The following TMEM132D variants were observed in gnomAD, a reference collection of about 807,000 sequenced individuals.
TMEM132D encodes the protein transmembrane protein 132D, also known as mature OL transmembrane protein.
A neutral mutation model predicts 62.3 loss-of-function variants in TMEM132D; 21 were observed. The ratio of observed to expected loss-of-function variants is 0.34; its 90% CI spans 0.24 to 0.49. The LOEUF (loss-of-function observed/expected upper bound fraction) is 0.49. Ranked by LOEUF, TMEM132D falls within the 20% of genes least tolerant of loss-of-function variation. The pLI, the probability that TMEM132D is intolerant of heterozygous loss-of-function variation, is 0.99. For synonymous variants in TMEM132D, 621 were observed against 575.6 expected (o/e 1.08, Z -1.13); for missense variants, 1,346 against 1,402.8 (o/e 0.96, Z 0.65).
chr12:129,236,631 C>A (rs141844134), intron 4 of TMEM132D, among the ~76,000 whole-genome samples: 48 of 151,306 alleles, frequency 3.2e-4, no homozygotes, highest in African/African-American at 1.1e-3. Flanking sequence ...TTTTTCGTGG[C>A]GTCTTTAGGG....
intron 1 of TMEM132D, among the ~76,000 whole-genome samples, chr12:129,834,266 G>A (rs536531556): frequency 1.3e-5 from 2 of 151,936 alleles, no homozygotes; most frequent in Admixed American, 1.3e-4. Context: ...GAAATTCTAG[G>A]GGCTTGTTTT....
At chr12:129,764,769 T>C (rs527803820) in intron 1 of TMEM132D, among the ~76,000 whole-genome samples, 20 of 152,218 alleles carry the variant, frequency 1.3e-4, no homozygotes, top group Non-Finnish European at 2.5e-4. Flanking sequence ...AGTGAGCTCC[T>C]ATCTCTACAA....
intron 2 of TMEM132D, among the ~76,000 whole-genome samples, chr12:129,574,573 G>A (rs909402040): frequency 9.2e-5 from 14 of 152,006 alleles, no homozygotes; most frequent in Middle Eastern, 3.4e-3. Flanking sequence ...TTGAGTTGTT[G>A]AACAATGGTT....
At chr12:129,186,169 C>T (rs1462403834) in intron 5 of TMEM132D, among the ~76,000 whole-genome samples, 1 of 152,196 alleles carries the variant, frequency 6.6e-6, no homozygotes. Context: ...ATCATCTCAT[C>T]TATTGACAGT....
At position 129,528,778 on chromosome 12, in the gene TMEM132D, C is replaced by T. The variant is rs192511056; in HGVS notation, c.1115+2281G>A. Among the ~76,000 whole-genome samples the T allele has an allele frequency of 1.1e-3, 163 of 152,360 alleles. 1 individual carries two copies. The highest frequency in any genetic ancestry group is 3.5e-3 in the African/African-American group (145 of 41,590). ...TGAACAAACATTTATAGACAGCCCA[C>T]TGTGTGCCAGACACTGCTGTATGAG... On this transcript the variant is annotated intron_variant, in intron 3 of 8. Coordinates refer to ENST00000422113, the MANE Select transcript of TMEM132D (RefSeq NM_133448.3).
chr12:129,285,010 A>G (rs1881250761), intron 4 of TMEM132D, among the ~76,000 whole-genome samples: 1 of 152,234 alleles, frequency 6.6e-6, no homozygotes, highest in African/African-American at 2.4e-5. Flanking sequence ...TTGTGAATAT[A>G]CGAAATGCCA....
Position 129,589,507 on chromosome 12 carries a change from A to C in TMEM132D, c.969-58302T>G, listed in dbSNP as rs75246256. Among the ~76,000 whole-genome samples the C allele has an allele frequency of 1.5e-3, 230 of 152,344 alleles. 6 individuals carry two copies. The East Asian group carries it at 0.04, about 27-fold the overall frequency. Reference sequence around the variant, plus strand: ...ATGCAAGGACAAACGATTCAAGTATACAAATAAGTATTCACTTCCAGCTGT... The same window carrying C: ...ATGCAAGGACAAACGATTCAAGTATCCAAATAAGTATTCACTTCCAGCTGT... On this transcript the variant is annotated intron_variant, in intron 2 of 8. Coordinates refer to ENST00000422113, the MANE Select transcript of TMEM132D (RefSeq NM_133448.3).
intron 4 of TMEM132D, among the ~76,000 whole-genome samples, chr12:129,280,679 A>G (rs1207991448): frequency 6.6e-6 from 1 of 152,054 alleles, no homozygotes; most frequent in Non-Finnish European, 1.5e-5. Flanking sequence ...TTTGTTTGTA[A>G]TATCTATCTA....
chr12:129,665,779 T>C (rs1400854129), intron 2 of TMEM132D, among the ~76,000 whole-genome samples: 1 of 152,178 alleles, frequency 6.6e-6, no homozygotes, highest in Non-Finnish European at 1.5e-5. Flanking sequence ...GCTAGGCACA[T>C]AGTAGACGCT....
chr12:129,791,715 T>C (rs1034056389), intron 1 of TMEM132D, among the ~76,000 whole-genome samples: 7 of 152,176 alleles, frequency 4.6e-5, no homozygotes, highest in Admixed American at 4.6e-4. Context: ...GGTTATGATT[T>C]TTCAAAATCC....
intron 5 of TMEM132D, among the ~76,000 whole-genome samples, chr12:129,185,458 TC>T (rs1878193228): frequency 6.6e-6 from 1 of 152,206 alleles, no homozygotes; most frequent in African/African-American, 2.4e-5. Context: ...TGAATATTTT[TC>T]CCAGTTGTTT....
At chr12:129,481,102 G>C (rs1409547347) in intron 3 of TMEM132D, among the ~76,000 whole-genome samples, 1 of 152,012 alleles carries the variant, frequency 6.6e-6, no homozygotes, top group East Asian at 1.9e-4. Context: ...CAAGGTCCAA[G>C]GTGCCTCTCA....
chr12:129,184,030 T>C (rs747741722), intron 5 of TMEM132D, among the ~76,000 whole-genome samples: 1 of 152,154 alleles, frequency 6.6e-6, no homozygotes, highest in Non-Finnish European at 1.5e-5. Flanking sequence ...TGTGGCCATG[T>C]TTTTACCACA....
At chr12:129,120,088 G>A (rs999442878) in intron 5 of TMEM132D, among the ~76,000 whole-genome samples, 2 of 152,016 alleles carry the variant, frequency 1.3e-5, no homozygotes, top group African/African-American at 4.8e-5. Flanking sequence ...GAAGTTGGAG[G>A]GGCTTGATCA....
At chr12:129,646,133 T>A (rs2137179084) in intron 2 of TMEM132D, among the ~76,000 whole-genome samples, 1 of 152,334 alleles carries the variant, frequency 6.6e-6, no homozygotes, top group African/African-American at 2.4e-5. Flanking sequence ...ATTTCCTGCA[T>A]GAAGCCAAAA....
chr12:129,469,535 A>G (rs562497325), intron 3 of TMEM132D, among the ~76,000 whole-genome samples: 9 of 152,324 alleles, frequency 5.9e-5, no homozygotes, highest in African/African-American at 1.9e-4. Flanking sequence ...AAATTAGAAC[A>G]TTCTAACAAG....
intron 3 of TMEM132D, among the ~76,000 whole-genome samples, chr12:129,466,820 C>G (rs924722696): frequency 6.6e-6 from 1 of 152,142 alleles, no homozygotes; most frequent in Non-Finnish European, 1.5e-5. Context: ...AGCTTGTTTC[C>G]GGAGCTCATC....
In TMEM132D at chr12:129,698,771, GAGAGAGGGAGAA is replaced by G. The variant is rs1160322857; in HGVS notation, c.968+1027_968+1038del. On this transcript the variant is annotated intron_variant, in intron 2 of 8. Coordinates refer to ENST00000422113, the MANE Select transcript of TMEM132D (RefSeq NM_133448.3). ...GGGAAGAGGAGAGGGGAGGGAGAAA[GAGAGAGGGAGAA>G]AGAGAGGGAGAAAGAAAAGAATAGA... is the stretch of plus-strand genomic sequence containing the variant. Among the ~76,000 whole-genome samples, 12 of 144,594 alleles carry G rather than the reference GAGAGAGGGAGAA, an allele frequency of 8.3e-5. 1 individual carries two copies. Among genetic ancestry groups the G allele is most frequent in the East Asian group, 2.0e-4 (1 of 4,890 alleles). 94.9% of individuals were successfully genotyped at this position (144,594 alleles called of 152,430 possible).
chr12:129,649,394 T>C (rs1261526392), intron 2 of TMEM132D, among the ~76,000 whole-genome samples: 1 of 152,114 alleles, frequency 6.6e-6, no homozygotes, highest in African/African-American at 2.4e-5. Context: ...AATACAGATG[T>C]AACCTCAAGA....
Sources: allele counts gnomAD v4.1 joint callset (sites outside exome capture counted in the v4.1 genomes callset), GRCh38; gene constraint gnomAD v4.1.1; transcripts MANE v1.5; gene names NCBI Gene and HGNC (gene_info 2026-07-23, HGNC 2026-07-21).